DYM: variants seen among roughly 807,000 people sequenced by gnomAD.
The protein encoded by DYM is dyggve-Melchior-Clausen syndrome protein.
Under a neutral mutation model 93.1 loss-of-function variants are expected in DYM, and 78 were observed. The observed-to-expected ratio is 0.84, with a 90% CI of 0.70 to 1.01. The LOEUF is 1.01. Among genes scored for constraint, DYM ranks in the 50% least tolerant of loss-of-function variants. The pLI is 0.00. For missense variants in DYM, 789 were observed against 845.0 expected, an observed-to-expected ratio of 0.93 and a Z score of 0.82; for synonymous variants, 321 against 319.7, an observed-to-expected ratio of 1.00 and a Z score of -0.04.
chr18:49,305,730 CAAAAAT>C (rs1262104708), intron 8 of DYM, among the ~76,000 whole-genome samples: 1 of 152,076 alleles, frequency 6.6e-6, no homozygotes, highest in Admixed American at 6.6e-5. Context: ...CGATCAAAAA[CAAAAAT>C]AAAAAACCTC....
intron 17 of DYM, among the ~76,000 whole-genome samples, chr18:49,096,491 A>G (rs1331548290): frequency 2.0e-5 from 3 of 152,234 alleles, no homozygotes; most frequent in African/African-American, 7.2e-5. Context: ...ACAAAACACT[A>G]TGAAGGCCAA....
chr18:49,067,357 T>A (rs1195833207), intron 17 of DYM, among the ~76,000 whole-genome samples: 1 of 112,008 alleles, frequency 8.9e-6, no homozygotes, highest in South Asian at 2.8e-4. Context: ...GGGGAAGGAG[T>A]GGGGTGATGT....
intron 16 of DYM, among the ~76,000 whole-genome samples, chr18:49,106,262 A>T (rs1258790375): frequency 2.0e-5 from 3 of 152,126 alleles, no homozygotes; most frequent in African/African-American, 7.2e-5. Flanking sequence ...TGCTTGGTAG[A>T]TCTTCCTCCA....
chr18:49,429,679 A>G (rs2074622642), intron 2 of DYM, among the ~76,000 whole-genome samples: 2 of 152,128 alleles, frequency 1.3e-5, no homozygotes, highest in South Asian at 4.1e-4. Flanking sequence ...ATGCACATAC[A>G]CTTTGACCCA....
intron 14 of DYM, among the ~76,000 whole-genome samples, chr18:49,191,059 A>G (rs189578519): frequency 7.3e-6 from 1 of 137,494 alleles, no homozygotes; most frequent in South Asian, 2.6e-4. Context: ...TCAAAGTTCT[A>G]TTGTGATTGT....
At chr18:49,147,994 C>A (rs1035553020) in intron 15 of DYM, among the ~76,000 whole-genome samples, 3 of 152,114 alleles carry the variant, frequency 2.0e-5, no homozygotes, top group African/African-American at 7.2e-5. Context: ...ACATATACAC[C>A]ATGGAATACT....
At chr18:49,367,132 A>G (rs554533058) in intron 5 of DYM, among the ~76,000 whole-genome samples, 1 of 152,228 alleles carries the variant, frequency 6.6e-6, no homozygotes, top group Non-Finnish European at 1.5e-5. Flanking sequence ...TAGTTTATAC[A>G]TAAAGATGAC....
chr18:49,354,638 C>A (rs2065386566), intron 6 of DYM, among the ~76,000 whole-genome samples: 1 of 151,998 alleles, frequency 6.6e-6, no homozygotes, highest in South Asian at 2.1e-4. Context: ...ACAGATATAT[C>A]ATCAAAAAAG....
At chr18:49,388,391 T>C (rs1264235316) in intron 3 of DYM, among the ~76,000 whole-genome samples, 1 of 150,994 alleles carries the variant, frequency 6.6e-6, no homozygotes. Flanking sequence ...TAACAGAAAA[T>C]ATCTCATTGA....
chr18:49,280,656 C>T (rs1223078332), intron 10 of DYM, among the ~76,000 whole-genome samples: 4 of 152,182 alleles, frequency 2.6e-5, no homozygotes, highest in Admixed American at 6.6e-5. Context: ...AGGCCACCTC[C>T]ACATGAGCTG....
In DYM at chr18:49,043,993, G is replaced by C. The variant is rs1194583400; in HGVS notation, c.*62C>G. ...CCTGTCTGTCTACTTCTGTTACCCA[G>C]AAATAAAAGAACTTGAAGGGCTGCT... On this transcript the variant is annotated 3_prime_UTR_variant, in exon 18 of 18. Transcript: ENST00000675505. 6.3e-7 allele frequency: 1 copy of C among 1,598,168 alleles called. No homozygotes were observed. Among genetic ancestry groups the C allele is most frequent in the Non-Finnish European group, 8.5e-7 (1 of 1,169,616 alleles).
chr18:49,270,961 A>G (rs2094682022), intron 11 of DYM, among the ~76,000 whole-genome samples: 1 of 152,044 alleles, frequency 6.6e-6, no homozygotes, highest in South Asian at 2.1e-4. Context: ...AAAACAATCC[A>G]CCCAAAAAAT....
intron 13 of DYM, among the ~76,000 whole-genome samples, chr18:49,213,519 T>C (rs1316087556): frequency 6.6e-6 from 1 of 152,204 alleles, no homozygotes; most frequent in Non-Finnish European, 1.5e-5. Flanking sequence ...TTTCCCCATA[T>C]TGGTCAAGCT....
chr18:49,144,884 G>T (rs1289715021), intron 15 of DYM, among the ~76,000 whole-genome samples: 1 of 151,490 alleles, frequency 6.6e-6, no homozygotes, highest in Non-Finnish European at 1.5e-5. Flanking sequence ...ACTGCTTGAG[G>T]GCACGAGTTT....
At chr18:49,186,920 CTTT>C (rs57080617) in intron 14 of DYM, among the ~76,000 whole-genome samples, 4 of 117,826 alleles carry the variant, frequency 3.4e-5, no homozygotes, top group African/African-American at 6.9e-5. Flanking sequence ...ACACAATCTT[CTTT>C]TTTTTTTTTT....
chr18:49,158,793 A>T (rs1466003044), intron 15 of DYM, among the ~76,000 whole-genome samples: 2 of 152,138 alleles, frequency 1.3e-5, no homozygotes, highest in Admixed American at 6.6e-5. Context: ...ATTAAGGAGT[A>T]AAAAAATATA....
chr18:49,388,018 T>C (rs2068801827), intron 3 of DYM, among the ~76,000 whole-genome samples: 1 of 152,128 alleles, frequency 6.6e-6, no homozygotes, highest in Non-Finnish European at 1.5e-5. Context: ...CAGTAGATAG[T>C]TTTAACAGCA....
intron 2 of DYM, among the ~76,000 whole-genome samples, chr18:49,430,049 C>T (rs1237899088): frequency 6.6e-6 from 1 of 152,150 alleles, no homozygotes; most frequent in African/African-American, 2.4e-5. Context: ...CAGTGATAAC[C>T]TCTAGAGAAG....
At chr18:49,415,204 C>T (rs2072781569) in intron 2 of DYM, among the ~76,000 whole-genome samples, 2 of 150,898 alleles carry the variant, frequency 1.3e-5, no homozygotes, top group African/African-American at 4.9e-5. Context: ...CCTGTAGTCC[C>T]AGCTACTCAG....
Sources: allele counts gnomAD v4.1 joint callset (sites outside exome capture counted in the v4.1 genomes callset), GRCh38; gene constraint gnomAD v4.1.1; transcripts MANE v1.5; gene names NCBI Gene and HGNC (gene_info 2026-07-23, HGNC 2026-07-21).